The following KIF15 variants were observed in gnomAD, a reference collection of about 807,000 sequenced individuals.
KIF15 encodes kinesin family member 15.
In KIF15, 140 loss-of-function variants were observed where a neutral mutation model predicts 190.6. The ratio of observed to expected loss-of-function variants is 0.73; its 90% CI spans 0.64 to 0.84. KIF15 has a LOEUF of 0.84. Among genes scored for constraint, KIF15 ranks in the 40% least tolerant of loss-of-function variants. The pLI is 0.00. For synonymous variants in KIF15, 528 were observed against 551.3 expected, an observed-to-expected ratio of 0.96 and a Z score of 0.59; for missense variants, 1,372 against 1,584.4, an observed-to-expected ratio of 0.87 and a Z score of 2.28.
chr3:44,846,743 C>T (rs1246811913), intron 30 of KIF15, among the ~76,000 whole-genome samples: 2 of 142,302 alleles, frequency 1.4e-5, no homozygotes, highest in Non-Finnish European at 3.0e-5. Context: ...TGTTGCATTC[C>T]AGCCTGGGAC....
At chr3:44,793,882 CTTT>C (rs557589917) in intron 7 of KIF15, among the ~76,000 whole-genome samples, 2 of 132,338 alleles carry the variant, frequency 1.5e-5, no homozygotes, top group Non-Finnish European at 1.6e-5. Context: ...TTCTCTTTTC[CTTT>C]TTTTTTTTTT....
chr3:44,853,779 T>C (rs1430775589), downstream of KIF15, among the ~76,000 whole-genome samples: 1 of 152,224 alleles, frequency 6.6e-6, no homozygotes, highest in Non-Finnish European at 1.5e-5. Flanking sequence ...TCCTAATTAC[T>C]AATGCTATTG....
intron 6 of KIF15, among the ~76,000 whole-genome samples, chr3:44,867,865 T>A (rs1022868281): frequency 6.6e-6 from 1 of 152,230 alleles, no homozygotes; most frequent in Non-Finnish European, 1.5e-5. Flanking sequence ...ATATTTGTCT[T>A]TTTGGTGTGC....
intron 21 of KIF15, 83 bp downstream of exon 21, chr3:44,826,272 T>A (rs1697638592): frequency 6.4e-7 from 1 of 1,555,502 alleles, no homozygotes; most frequent in Non-Finnish European, 8.7e-7. Context: ...CCTCCTTCTT[T>A]GCTATACTTG....
intron 4 of KIF15, 78 bp downstream of exon 4, chr3:44,778,269 A>G (rs1044783702): frequency 8.9e-7 from 1 of 1,125,858 alleles, no homozygotes; most frequent in African/African-American, 1.5e-5. Flanking sequence ...AATTACCACA[A>G]ACGTAGTGGC....
At chr3:44,783,960 A>G (rs895830727) in intron 5 of KIF15, among the ~76,000 whole-genome samples, 2 of 151,822 alleles carry the variant, frequency 1.3e-5, no homozygotes, top group Non-Finnish European at 2.9e-5. Context: ...TTGCATATCC[A>G]CTCTTCCTTT....
At chr3:44,787,932 G>A (rs1478390086) in intron 7 of KIF15, among the ~76,000 whole-genome samples, 1 of 151,932 alleles carries the variant, frequency 6.6e-6, no homozygotes, top group Non-Finnish European at 1.5e-5. Flanking sequence ...TTGGCTCACT[G>A]CAACCTCCGC....
chr3:44,861,944 C>T (rs767254686), intron 6 of KIF15: 9 of 1,416,784 alleles, frequency 6.4e-6, no homozygotes, highest in African/African-American at 3.0e-5. Context: ...AGGCCGGGGC[C>T]TCCGGGCGGC....
At chr3:44,810,175 T>C (rs1297618873) in intron 16 of KIF15, among the ~76,000 whole-genome samples, 1 of 152,216 alleles carries the variant, frequency 6.6e-6, no homozygotes, top group Non-Finnish European at 1.5e-5. Context: ...TAATGTAATG[T>C]ACTATTTTAA....
intron 19 of KIF15, among the ~76,000 whole-genome samples, chr3:44,813,748 TC>T (rs985903359): frequency 6.6e-6 from 1 of 151,364 alleles, no homozygotes. Context: ...TCCTGTCTCC[TC>T]CCAAGTAGCT....
chr3:44,855,876 T>C (rs1220960823), downstream of KIF15, among the ~76,000 whole-genome samples: 1 of 152,116 alleles, frequency 6.6e-6, no homozygotes, highest in Admixed American at 6.5e-5. Flanking sequence ...TGTAATTGAT[T>C]GGTTGGTTGG....
intron 25 of KIF15, among the ~76,000 whole-genome samples, chr3:44,830,614 C>T (rs901908335): frequency 1.2e-4 from 18 of 152,178 alleles, no homozygotes; most frequent in Admixed American, 3.9e-4. Context: ...TTTTGTCACT[C>T]CTCCTCACTC....
chr3:44,853,283 G>C (rs1699124983), downstream of KIF15: 1 of 152,144 alleles, frequency 6.6e-6, no homozygotes. Context: ...TGTTCATTCT[G>C]TTGTTCATTG....
chr3:44,839,383 G>A (rs1246800526), intron 27 of KIF15, among the ~76,000 whole-genome samples: 1 of 151,550 alleles, frequency 6.6e-6, no homozygotes, highest in African/African-American at 2.4e-5. Flanking sequence ...AAAAAAAAAA[G>A]AAAAGAAAAG....
intron 33 of KIF15, 82 bp from the exon 34 acceptor site, chr3:44,852,126 T>C (rs1339981132): frequency 6.6e-7 from 1 of 1,514,204 alleles, no homozygotes; most frequent in East Asian, 2.3e-5. Context: ...CCTGTGCTCC[T>C]GGAAGGCAAG....
intron 25 of KIF15, among the ~76,000 whole-genome samples, chr3:44,830,642 C>T (rs934710318): frequency 2.6e-5 from 4 of 152,198 alleles, no homozygotes; most frequent in African/African-American, 9.6e-5. Context: ...CTACAGGGAG[C>T]TTGCTGCACT....
rs778582710 is a variant in KIF15 at position 44,794,237 on chromosome 3, G to A, written c.660G>A (p.Arg220=). ...EAYQVLSGGW[R]NRRVASTSMN... is the part of the protein sequence containing the mutation. ...CATAGGTGTTGTCTGGAGGATGGAG[G>A]AATAGACGTGTGGCATCAACATCAA... is the stretch of plus-strand genomic sequence containing the variant. Residue 220 remains arginine, a synonymous_variant, in exon 8 of 35, where the codon AGG becomes AGA. Coordinates refer to ENST00000326047, the MANE Select transcript of KIF15 (RefSeq NM_020242.3). The A allele has an allele frequency of 1.2e-6, 2 of 1,613,562 alleles. No homozygotes were observed. Among genetic ancestry groups the A allele is most frequent in the Non-Finnish European group, 1.7e-6 (2 of 1,179,728 alleles).
intron 1 of KIF15, among the ~76,000 whole-genome samples, chr3:44,768,515 C>G (rs1432380726): frequency 6.6e-6 from 1 of 151,776 alleles, no homozygotes; most frequent in Non-Finnish European, 1.5e-5. Flanking sequence ...GGCTCCACTC[C>G]ATTCTCCCAG....
chr3:44,797,442 T>A (rs989175285), intron 8 of KIF15, 109 bp from the exon 9 acceptor site: 2 of 1,070,250 alleles, frequency 1.9e-6, no homozygotes. Context: ...ACATTGTCCC[T>A]GACTTGCCTT....
Sources: gnomAD v4.1 joint callset for allele counts (sites outside exome capture counted in the v4.1 genomes callset) on GRCh38, gnomAD v4.1.1 for gene constraint, MANE v1.5 for transcripts, NCBI Gene and HGNC (gene_info 2026-07-23, HGNC 2026-07-21) for gene names.